Variants in SLC4A8 observed in about 807,000 individuals in gnomAD.
The protein encoded by SLC4A8 is solute carrier family 4 member 8.
SLC4A8 carries 40 observed loss-of-function variants against 125.0 expected under a neutral mutation model. That is an observed-to-expected ratio of 0.32 (90% CI 0.25 to 0.42). SLC4A8 has a LOEUF of 0.42. Among genes scored for constraint, SLC4A8 ranks in the 10% least tolerant of loss-of-function variants. The probability of loss-of-function intolerance (pLI) is 1.00; values close to 1 mark genes in which losing one functional copy is unlikely to be tolerated. For synonymous variants in SLC4A8, 456 were observed against 476.0 expected, an observed-to-expected ratio of 0.96 and a Z score of 0.55; for missense variants, 863 against 1,355.1, an observed-to-expected ratio of 0.64 and a Z score of 5.70.
upstream of SLC4A8, chr12:51,419,985 T>C (rs1948752248): frequency 1.3e-5 from 2 of 152,182 alleles, no homozygotes; most frequent in African/African-American, 2.4e-5. Flanking sequence ...ACAATGAAAA[T>C]TGTATTCTGT....
At chr12:51,484,263 A>C (rs995105916) in intron 16 of SLC4A8, among the ~76,000 whole-genome samples, 1 of 152,228 alleles carries the variant, frequency 6.6e-6, no homozygotes, top group African/African-American at 2.4e-5. Context: ...CAAATAGTTA[A>C]CAAGTGGCTG....
chr12:51,400,729 TATA>T (rs1948358454), intron 1 of SLC4A8, among the ~76,000 whole-genome samples: 5 of 270 alleles, frequency 0.019, no homozygotes, highest in Non-Finnish European at 0.038. Context: ...AACTCCTTTA[TATA>T]TATATATATA....
intron 2 of SLC4A8, chr12:51,450,641 G>A: frequency 2.0e-6 from 1 of 503,334 alleles, no homozygotes; most frequent in South Asian, 2.8e-5. Context: ...ATTTCTTTCA[G>A]TCTTCACAAG....
At chr12:51,392,584 AAAG>A (rs1355713434) in intron 1 of SLC4A8, among the ~76,000 whole-genome samples, 10 of 147,892 alleles carry the variant, frequency 6.8e-5, no homozygotes, top group East Asian at 3.9e-4. Context: ...AAAAAAAAAA[AAAG>A]AAAAAAAGAA....
At chr12:51,459,658 C>T (rs1343628845) in intron 7 of SLC4A8, among the ~76,000 whole-genome samples, 1 of 151,930 alleles carries the variant, frequency 6.6e-6, no homozygotes, top group Non-Finnish European at 1.5e-5. Flanking sequence ...TCACATGAGG[C>T]CAGGAGTTTG....
intron 2 of SLC4A8, among the ~76,000 whole-genome samples, chr12:51,447,264 A>C (rs1727999145): frequency 6.7e-6 from 1 of 148,924 alleles, no homozygotes; most frequent in South Asian, 2.1e-4. Context: ...TTTTTTTTTT[A>C]CACCTTTTGT....
chr12:51,416,560 T>C (rs1161279821), intron 1 of SLC4A8, among the ~76,000 whole-genome samples: 2 of 152,120 alleles, frequency 1.3e-5, no homozygotes, highest in Non-Finnish European at 2.9e-5. Context: ...CGAGAATCAC[T>C]TGAACCCAGG....
chr12:51,486,175 A>T (rs1310419117), intron 17 of SLC4A8, among the ~76,000 whole-genome samples: 1 of 152,202 alleles, frequency 6.6e-6, no homozygotes, highest in Non-Finnish European at 1.5e-5. Flanking sequence ...TAATATGTTA[A>T]TATTTAAACA....
intron 1 of SLC4A8, among the ~76,000 whole-genome samples, chr12:51,436,168 C>T (rs543122928): frequency 6.6e-6 from 1 of 152,284 alleles, no homozygotes; most frequent in South Asian, 2.1e-4. Flanking sequence ...AGTCCTCAGC[C>T]GCACTGGGAG....
intron 11 of SLC4A8, among the ~76,000 whole-genome samples, chr12:51,468,744 A>C (rs1950600910): frequency 6.6e-6 from 1 of 152,240 alleles, no homozygotes; most frequent in African/African-American, 2.4e-5. Context: ...TGGGCAACAG[A>C]GTGAGACTCC....
Position 51,489,691 on chromosome 12 carries a change from T to G in SLC4A8, c.2449-9T>G, listed in dbSNP as rs368808949. 9.9e-6 allele frequency: 16 copies of G among 1,613,822 alleles called. No individual in the cohort carries two copies. The highest frequency in any genetic ancestry group is 1.3e-5 in the Non-Finnish European group (15 of 1,179,950). On this transcript the variant is annotated splice_polypyrimidine_tract_variant and intron_variant, in intron 18 of 24. Coordinates refer to ENST00000453097, the MANE Select transcript of SLC4A8 (RefSeq NM_001039960.3). The stretch of plus-strand genomic sequence containing the variant: ...TACTGATGGTGACAAAGACTCTGTT[T>G]CCCCACAGAAAGGCTGTGGCTACCA...
chr12:51,503,357 G>A (rs71449808), intron 22 of SLC4A8, among the ~76,000 whole-genome samples: 41 of 151,004 alleles, frequency 2.7e-4, no homozygotes, highest in Non-Finnish European at 5.3e-4. Flanking sequence ...GACTACAGGC[G>A]CCCGCCACCA....
At chr12:51,495,597 T>C (rs1951441844) in intron 21 of SLC4A8, among the ~76,000 whole-genome samples, 1 of 148,634 alleles carries the variant, frequency 6.7e-6, no homozygotes, top group Non-Finnish European at 1.5e-5. Flanking sequence ...TGCCTCAGCC[T>C]CCCTAATAGC....
In SLC4A8 at chr12:51,462,366, T is replaced by C; in HGVS notation, c.1158T>C (p.Ile386=). The change falls in exon 10 of 25, where the codon ATT becomes ATC. Residue 386 remains isoleucine (I), a synonymous_variant. Coordinates refer to ENST00000453097, the MANE Select transcript of SLC4A8 (RefSeq NM_001039960.3). ...AKERDDLLAG[I]DEFLDQVTVL... ...AGCGAGATGATCTCCTGGCGGGGAT[T>C]GATGAGTTCCTAGACCAGGTGACGG... 6.2e-7 allele frequency: 1 copy of C among 1,613,796 alleles called. No homozygotes were observed.
intron 7 of SLC4A8, 134 bp downstream of exon 7, chr12:51,458,784 A>C (rs1950232222): frequency 1.6e-6 from 1 of 624,838 alleles, no homozygotes; most frequent in East Asian, 2.8e-5. Context: ...CTTTCTGCAT[A>C]AAAGGGGGCC....
At chr12:51,430,744 A>T (rs1306110903) in intron 1 of SLC4A8, among the ~76,000 whole-genome samples, 2 of 152,208 alleles carry the variant, frequency 1.3e-5, no homozygotes, top group African/African-American at 4.8e-5. Context: ...GGTAGTAATC[A>T]GGACACAGAA....
At chr12:51,429,163 C>T (rs552507619) in intron 1 of SLC4A8, among the ~76,000 whole-genome samples, 6 of 152,270 alleles carry the variant, frequency 3.9e-5, no homozygotes, top group South Asian at 2.1e-4. Context: ...CCACCTGCCT[C>T]GGCCTCCCAA....
intron 20 of SLC4A8, chr12:51,494,445 C>T (rs1951407932): frequency 7.0e-6 from 1 of 142,812 alleles, no homozygotes; most frequent in Non-Finnish European, 1.5e-5. Flanking sequence ...GCCATTCTTA[C>T]ATACTGAGTT....
At chr12:51,407,307 G>A (rs1412871792) in intron 1 of SLC4A8, among the ~76,000 whole-genome samples, 2 of 152,106 alleles carry the variant, frequency 1.3e-5, no homozygotes, top group Non-Finnish European at 2.9e-5. Flanking sequence ...TGCCCAGGCT[G>A]GAGTTCAGTG....
Sources: allele counts gnomAD v4.1 joint callset (sites outside exome capture counted in the v4.1 genomes callset), GRCh38; gene constraint gnomAD v4.1.1; transcripts MANE v1.5; gene names NCBI Gene and HGNC (gene_info 2026-07-23, HGNC 2026-07-21).